The following MCL1 variants were observed in gnomAD, a reference collection of about 807,000 sequenced individuals.
The protein encoded by MCL1 is MCL1 apoptosis regulator, BCL2 family member.
Under a neutral mutation model 24.2 loss-of-function variants are expected in MCL1, and 4 were observed. That is an observed-to-expected ratio of 0.17 (90% CI 0.08 to 0.38). The LOEUF is 0.38. Ranked by LOEUF, MCL1 falls within the 10% of genes least tolerant of loss-of-function variation. The pLI is 1.00. For missense variants in MCL1, 529 were observed against 480.3 expected, an observed-to-expected ratio of 1.10 and a Z score of -0.95; for synonymous variants, 248 against 214.0, an observed-to-expected ratio of 1.16 and a Z score of -1.39.
chr1:150,575,026 T>G lies in MCL1; in HGVS notation c.*2349A>C, dbSNP rs758210233. The G allele has an allele frequency of 4.3e-6, 1 of 233,180 alleles. No individual in the cohort carries two copies. Among genetic ancestry groups the G allele is most frequent in the African/African-American group, 2.2e-5 (1 of 45,300 alleles). 14.4% of individuals were successfully genotyped at this position (233,180 alleles called of 1,614,324 possible). On this transcript the variant is annotated 3_prime_UTR_variant, in exon 3 of 3. Transcript: ENST00000369026. The stretch of plus-strand genomic sequence containing the variant: ...TATTTCCACAGTCATACCTAATGAA[T>G]TGGGAAGTGGGGCCCCTAAAAACCA...
rs1047911810 is a variant in MCL1 at position 150,578,957 on chromosome 1, C to T, written c.574G>A (p.Gly192Ser). The change falls in exon 1 of 3, where the codon GGC becomes AGC. Residue 192 changes from glycine (G) to serine (S), a missense_variant. By Grantham distance (56) the Gly-to-Ser change is moderately conservative. Transcript: ENST00000369026. ...ISRYLREQAT[G>S]AKDTKPMGRS... ...CCCATTGGCTTTGTGTCCTTGGCGCCGGTGGCCTGCTCCCGAAGGTACCGA... is the reference window on the plus strand; with the variant it reads ...CCCATTGGCTTTGTGTCCTTGGCGCTGGTGGCCTGCTCCCGAAGGTACCGA... 10 of 1,613,556 alleles carry T rather than the reference C, an allele frequency of 6.2e-6. No homozygotes were observed. In the East Asian group the frequency reaches 1.1e-4, roughly 18 times the overall value.
In MCL1 at chr1:150,579,472, C is replaced by T. The variant is rs1647988095; in HGVS notation, c.59G>A (p.Gly20Asp). 1.3e-6 allele frequency: 2 copies of T among 1,593,412 alleles called. No individual in the cohort carries two copies. Among genetic ancestry groups the T allele is most frequent in the East Asian group, 2.4e-5 (1 of 41,696 alleles). Residue 20 changes from glycine (G) to aspartate (D), a missense_variant, in exon 1 of 3, where the codon GGC becomes GAC. By Grantham distance (94) the Gly-to-Asp change is moderately conservative. Transcript: ENST00000369026. ...IGLNLYCGGAGLGAGSGGATR... is the reference protein window; with the variant it reads ...IGLNLYCGGADLGAGSGGATR... ...GGCGCCGCCGCTGCCGGCCCCCAAG[C>T]CGGCCCCCCCACAGTAGAGGTTGAG...
chr1:150,578,217 C>T lies in MCL1; in HGVS notation c.936+27G>A, dbSNP rs777774413. 6 of 1,601,246 alleles carry T rather than the reference C, an allele frequency of 3.7e-6. No homozygotes were observed. The East Asian group carries it at 8.9e-5, about 24-fold the overall frequency. The stretch of plus-strand genomic sequence containing the variant: ...CCTTCATTCTACTTCCACTCCAAGG[C>T]CCCTTTCATCCTTAAGGCAAACTTA... On this transcript the variant is annotated intron_variant, in intron 2 of 2. Coordinates refer to ENST00000369026, the MANE Select transcript of MCL1 (RefSeq NM_021960.5).
In MCL1 at chr1:150,579,576, C is replaced by G; in HGVS notation, c.-46G>C. The G allele has an allele frequency of 6.4e-7, 1 of 1,550,434 alleles. No homozygotes were observed. ...TGGCTGAGAAAACTGGGGAAGACCCCGACTCCTTACTGGAAGGAAGCGGAA... is the reference window on the plus strand; with the variant it reads ...TGGCTGAGAAAACTGGGGAAGACCCGGACTCCTTACTGGAAGGAAGCGGAA... On this transcript the variant is annotated 5_prime_UTR_variant, in exon 1 of 3. Transcript: ENST00000369026.
rs887837372 is a variant in MCL1 at position 150,576,496 on chromosome 1, A to G, written c.*879T>C. ...GTTCCACTACAACCAGTCTGCATACAGTTACACATCAATTCGTTCTGTATA... is the reference window on the plus strand; with the variant it reads ...GTTCCACTACAACCAGTCTGCATACGGTTACACATCAATTCGTTCTGTATA... On this transcript the variant is annotated 3_prime_UTR_variant, in exon 3 of 3. Coordinates refer to ENST00000369026, the MANE Select transcript of MCL1 (RefSeq NM_021960.5). The G allele has an allele frequency of 1.3e-5, 3 of 232,626 alleles. No individual in the cohort carries two copies. The highest frequency in any genetic ancestry group is 6.6e-5 in the African/African-American group (3 of 45,306). The allele number at this position is 232,626 out of a possible 1,614,324, so 14.4% of individuals were successfully genotyped here.
At chr1:150,577,893 C>G (rs773478000) in intron 2 of MCL1, among the ~76,000 whole-genome samples, 22 of 152,158 alleles carry the variant, frequency 1.4e-4, no homozygotes, top group Non-Finnish European at 2.8e-4. Context: ...AAAACGCAGG[C>G]TCCACCCCAT....
At position 150,576,432 on chromosome 1, in the gene MCL1, T is replaced by C; in HGVS notation, c.*943A>G. On this transcript the variant is annotated 3_prime_UTR_variant, in exon 3 of 3. Transcript: ENST00000369026. ...AAAACCTAAGGAATACTTACCAAAA[T>C]CAGATAAGAAAATTTAAACCTGCAT... 1 of 231,998 alleles carries C rather than the reference T, an allele frequency of 4.3e-6. No homozygotes were observed. Among genetic ancestry groups the C allele is most frequent in the Non-Finnish European group, 8.5e-6 (1 of 117,144 alleles). The allele number at this position is 231,998 out of a possible 1,614,324, so 14.4% of individuals were successfully genotyped here.
chr1:150,579,328 G>A lies in MCL1; in HGVS notation c.203C>T (p.Thr68Ile), dbSNP rs1239060117. ...GACCCTCCGGGAGTCTGGCGTGAGG[G>A]TGGACGGGGGGCTTGCGCCGGCGCT... ...GGSAGASPPS[T>I]LTPDSRRVAR... The change falls in exon 1 of 3, where the codon ACC (threonine) becomes ATC (isoleucine). Residue 68 changes from threonine to isoleucine, a missense_variant. Thr to Ile is a moderately conservative substitution (Grantham distance 89). Transcript: ENST00000369026. 3.4e-6 allele frequency: 5 copies of A among 1,474,374 alleles called. No homozygotes were observed. The highest frequency in any genetic ancestry group is 4.5e-6 in the Non-Finnish European group (5 of 1,120,500). The allele number at this position is 1,474,374 out of a possible 1,614,324, so 91.3% of individuals were successfully genotyped here. A position where few individuals can be genotyped will look rare whatever the true frequency, so the allele number is the denominator to read the frequency against.
rs1647964758 is a variant in MCL1, at chr1:150,579,189, C to T, written c.342G>A (p.Pro114=). The change falls in exon 1 of 3, where the codon CCG becomes CCA. Residue 114 remains proline, a synonymous_variant. Transcript: ENST00000369026. ...RAAPLEEMEA[P]AADAIMSPEE... is the part of the protein sequence containing the mutation. Reference sequence around the variant, plus strand: ...CGGGCGACATGATGGCGTCAGCGGCCGGGGCTTCCATCTCCTCAAGCGGCG... The same window carrying T: ...CGGGCGACATGATGGCGTCAGCGGCTGGGGCTTCCATCTCCTCAAGCGGCG... 1.0e-5 allele frequency: 16 copies of T among 1,603,980 alleles called. No individual in the cohort carries two copies. Among genetic ancestry groups the T allele is most frequent in the Non-Finnish European group, 1.4e-5 (16 of 1,177,378 alleles).
In MCL1 at chr1:150,574,894, TC is replaced by T. The variant is rs1331482151; in HGVS notation, c.*2480del. ...GTCAGCACTTAGACCACCTGCCTCC[TC>T]CTCCCCCTATAAACCCACCACTCCC... On this transcript the variant is annotated 3_prime_UTR_variant, in exon 3 of 3. Transcript: ENST00000369026. 1 of 233,072 alleles carries T rather than the reference TC, an allele frequency of 4.3e-6. No homozygotes were observed. The highest frequency in any genetic ancestry group is 6.0e-5 in the East Asian group (1 of 16,598). 14.4% of individuals were successfully genotyped at this position (233,072 alleles called of 1,614,324 possible). A position where few individuals can be genotyped will look rare whatever the true frequency, so the allele number is the denominator to read the frequency against.
chr1:150,575,121 T>C lies in MCL1; in HGVS notation c.*2254A>G, dbSNP rs587632369. 306 of 233,276 alleles carry C rather than the reference T, an allele frequency of 1.3e-3. 6 individuals are homozygous for C. Among genetic ancestry groups the C allele is most frequent in the Admixed American group, 3.4e-4 (6 of 17,788 alleles). The allele number at this position is 233,276 out of a possible 1,614,324, so 14.5% of individuals were successfully genotyped here. On this transcript the variant is annotated 3_prime_UTR_variant, in exon 3 of 3. Coordinates refer to ENST00000369026, the MANE Select transcript of MCL1 (RefSeq NM_021960.5). ...TTTTTTAGTTACCGTAACCAGATCT[T>C]AAGATTAATTAAAAACTACATAAAG...
rs759052365 is a variant in MCL1, at chr1:150,578,313, T to A, written c.867A>T (p.Pro289=). ...KTINQESCIE[P]LAESITDVLV... Reference sequence around the variant, plus strand: ...GAACGTCTGTGATACTTTCTGCTAATGGTTCGATGCAGCTTTCTTGGTTTA... The same window carrying A: ...GAACGTCTGTGATACTTTCTGCTAAAGGTTCGATGCAGCTTTCTTGGTTTA... Residue 289 remains proline, a synonymous_variant, in exon 2 of 3, where the codon CCA becomes CCT. Coordinates refer to ENST00000369026, the MANE Select transcript of MCL1 (RefSeq NM_021960.5). 3 of 1,614,114 alleles carry A rather than the reference T, an allele frequency of 1.9e-6. No homozygotes were observed. The East Asian group carries it at 6.7e-5, about 36-fold the overall frequency.
At position 150,579,431 on chromosome 1, in the gene MCL1, G is replaced by A. The variant is rs748428410; in HGVS notation, c.100C>T (p.Arg34Ter). 1 of 1,583,658 alleles carries A rather than the reference G, an allele frequency of 6.3e-7. No homozygotes were observed. Among genetic ancestry groups the A allele is most frequent in the Non-Finnish European group, 8.6e-7 (1 of 1,167,758 alleles). ...GSGGATRPGGRLLATEKEASA... is the reference protein window; with the variant it reads ...GSGGATRPGG ...GCCTCCTTCTCCGTAGCCAAAAGTC[G>A]CCCTCCCGGGCGGGTGGCGCCGCCG... Residue 34 changes from arginine (R) to a stop codon, truncating the protein, a stop_gained, in exon 1 of 3, where the codon CGA becomes TGA. Transcript: ENST00000369026. LOFTEE classifies it high-confidence loss of function.
Position 150,579,108 on chromosome 1 carries a change from C to T in MCL1, c.423G>A (p.Leu141=), listed in dbSNP as rs2101698883. 2 of 1,613,014 alleles carry T rather than the reference C, an allele frequency of 1.2e-6. No homozygotes were observed. The highest frequency in any genetic ancestry group is 1.3e-5 in the African/African-American group (1 of 75,080). The change falls in exon 1 of 3, where the codon CTG becomes CTA. Residue 141 remains leucine (L), a synonymous_variant. Coordinates refer to ENST00000369026, the MANE Select transcript of MCL1 (RefSeq NM_021960.5). Reference sequence around the variant, plus strand: ...ATTCCCCGACCAACTCCAGCAGCGGCAGGACAGCCGGCCGCTTCCCGAGAG... The same window carrying T: ...ATTCCCCGACCAACTCCAGCAGCGGTAGGACAGCCGGCCGCTTCCCGAGAG... ...PEPLGKRPAV[L]PLLELVGESG... is the part of the protein sequence containing the mutation.
rs1356326664 is a variant in MCL1 at position 150,578,327 on chromosome 1, T to C, written c.853A>G (p.Ser285Gly). Residue 285 changes from serine (S) to glycine (G), a missense_variant, in exon 2 of 3, where the codon AGC becomes GGC. Physicochemically the swap from Ser to Gly is moderately conservative, Grantham distance 56. Coordinates refer to ENST00000369026, the MANE Select transcript of MCL1 (RefSeq NM_021960.5). The stretch of plus-strand genomic sequence containing the variant: ...CTTTCTGCTAATGGTTCGATGCAGC[T>C]TTCTTGGTTTATGGTCTTCAAGTGT... Reference protein sequence around the residue: ...AKHLKTINQESCIEPLAESIT... With the variant: ...AKHLKTINQEGCIEPLAESIT... 1.2e-6 allele frequency: 2 copies of C among 1,614,244 alleles called. No individual in the cohort carries two copies. Among genetic ancestry groups the C allele is most frequent in the Admixed American group, 1.7e-5 (1 of 60,022 alleles).
At position 150,577,365 on chromosome 1, in the gene MCL1, T is replaced by G; in HGVS notation, c.*10A>C. On this transcript the variant is annotated 3_prime_UTR_variant, in exon 3 of 3. Transcript: ENST00000369026. The stretch of plus-strand genomic sequence containing the variant: ...TTGGTTAAAAGTCAACTATTGCACT[T>G]ACAGTAAGGCTATCTTATTAGATAT... 6.2e-7 allele frequency: 1 copy of G among 1,611,198 alleles called. No homozygotes were observed.
chr1:150,579,408 C>G lies in MCL1; in HGVS notation c.123G>C (p.Glu41Asp). 1 of 1,576,490 alleles carries G rather than the reference C, an allele frequency of 6.3e-7. No homozygotes were observed. Among genetic ancestry groups the G allele is most frequent in the Non-Finnish European group, 8.6e-7 (1 of 1,165,258 alleles). The part of the protein sequence containing the change: ...PGGRLLATEK[E>D]ASARREIGGG... ...CCCCTATCTCTCGCCGGGCCGAGGC[C>G]TCCTTCTCCGTAGCCAAAAGTCGCC... Residue 41 changes from glutamate (E) to aspartate (D), a missense_variant, in exon 1 of 3, where the codon GAG becomes GAC. Glu to Asp is a conservative substitution (Grantham distance 45). Coordinates refer to ENST00000369026, the MANE Select transcript of MCL1 (RefSeq NM_021960.5).
Position 150,577,310 on chromosome 1 carries a change from T to C in MCL1, c.*65A>G. ...AGGAAGTTACAGCTTGGAGTCCAACTGCATAAACTGGTTTTGGTGGTGGTG... is the reference window on the plus strand; with the variant it reads ...AGGAAGTTACAGCTTGGAGTCCAACCGCATAAACTGGTTTTGGTGGTGGTG... On this transcript the variant is annotated 3_prime_UTR_variant, in exon 3 of 3. Coordinates refer to ENST00000369026, the MANE Select transcript of MCL1 (RefSeq NM_021960.5). 6.3e-7 allele frequency: 1 copy of C among 1,582,238 alleles called. No individual in the cohort carries two copies. The highest frequency in any genetic ancestry group is 8.6e-7 in the Non-Finnish European group (1 of 1,164,768).
chr1:150,577,773 A>T (rs1427447841), intron 2 of MCL1, among the ~76,000 whole-genome samples: 2 of 152,092 alleles, frequency 1.3e-5, no homozygotes, highest in African/African-American at 4.8e-5. Flanking sequence ...AAAGACGAAA[A>T]CCCTTATTCT....
Sources: allele counts gnomAD v4.1 joint callset (sites outside exome capture counted in the v4.1 genomes callset), GRCh38; gene constraint gnomAD v4.1.1; transcripts MANE v1.5; gene names NCBI Gene and HGNC (gene_info 2026-07-23, HGNC 2026-07-21).